Variants in TNNC2 observed in about 807,000 individuals in gnomAD.
TNNC2 encodes the protein troponin C, skeletal muscle.
TNNC2 carries 14 observed loss-of-function variants against 20.0 expected under a neutral mutation model. The ratio of observed to expected loss-of-function variants is 0.70; its 90% CI spans 0.46 to 1.09. The LOEUF is 1.09. TNNC2 is among the 50% of genes least tolerant of loss of function. TNNC2 has a pLI of 0.00. For synonymous variants in TNNC2, 81 were observed against 77.3 expected (o/e 1.05, Z -0.25); for missense variants, 163 against 223.8 (o/e 0.73, Z 1.73).
At chr20:45,825,843 C>T (rs958577598) in intron 1 of TNNC2, among the ~76,000 whole-genome samples, 1 of 152,220 alleles carries the variant, frequency 6.6e-6, no homozygotes, top group African/African-American at 2.4e-5. Flanking sequence ...TGGTCTCGAA[C>T]CCCCTACCTT....
intron 2 of TNNC2, chr20:45,833,166 G>GAA (rs768279110): frequency 0.029 from 2,796 of 95,368 alleles, 104 homozygotes; most frequent in African/African-American, 0.13. Flanking sequence ...AAGAAAGAAA[G>GAA]AGAGAGAGAG....
rs1982899716 is a variant in TNNC2 at position 45,824,355 on chromosome 20, A to G, written c.251T>C (p.Met84Thr). ...EEFLVMMVRQ[M>T]KEDAKGKSEE... The stretch of plus-strand genomic sequence containing the variant: ...GCTCTTCCCTTTCGCGTCCTCTTTC[A>G]TCTGGCGCACCATCATGACCAAGAA... The change falls in exon 4 of 6, where the codon ATG (methionine) becomes ACG (threonine). Residue 84 changes from methionine to threonine, a missense_variant. By Grantham distance (81) the Met-to-Thr change is moderately conservative (BLOSUM62 -1). Transcript: ENST00000372555. The G allele has an allele frequency of 1.2e-6, 2 of 1,610,888 alleles. No homozygotes were observed. The highest frequency in any genetic ancestry group is 8.5e-7 in the Non-Finnish European group (1 of 1,179,960).
chr20:45,824,820 A>C lies in TNNC2; in HGVS notation c.18T>G (p.Ala6=). The change falls in exon 2 of 6, where the codon GCT becomes GCG. Residue 6 remains alanine, a synonymous_variant. Transcript: ENST00000372555. ...CTTCGCTGAGGTAGGACCTGGCCTC[A>C]GCCTGCTGGTCCGTCTGCAGGAGAC... MTDQQ[A]EARSYLSEEM... is the part of the protein sequence containing the mutation. 1 of 1,613,424 alleles carries C rather than the reference A, an allele frequency of 6.2e-7. No homozygotes were observed.
At position 45,824,365 on chromosome 20, in the gene TNNC2, C is replaced by A; in HGVS notation, c.241G>T (p.Val81Leu). The A allele has an allele frequency of 6.2e-7, 1 of 1,611,106 alleles. No homozygotes were observed. The highest frequency in any genetic ancestry group is 8.5e-7 in the Non-Finnish European group (1 of 1,180,004). ...TTCGCGTCCTCTTTCATCTGGCGCA[C>A]CATCATGACCAAGAACTCCTCGAAG... ...IDFEEFLVMM[V>L]RQMKEDAKGK... Residue 81 changes from valine (V) to leucine (L), a missense_variant, in exon 4 of 6, where the codon GTG becomes TTG. Coordinates refer to ENST00000372555, the MANE Select transcript of TNNC2 (RefSeq NM_003279.3).
chr20:45,824,708 C>A lies in TNNC2; in HGVS notation c.56-70G>T, dbSNP rs1403199775. On this transcript the variant is annotated intron_variant, in intron 2 of 5. Coordinates refer to ENST00000372555, the MANE Select transcript of TNNC2 (RefSeq NM_003279.3). The stretch of plus-strand genomic sequence containing the variant: ...CAGCCTCACACCTACCCCCCCCCAA[C>A]CCCCACCCTGCCTAGAGGCCAACAT... 1,146 of 1,381,180 alleles carry A rather than the reference C, an allele frequency of 8.3e-4. 1 individual carries two copies. Among genetic ancestry groups the A allele is most frequent in the Admixed American group, 1.0e-3 (40 of 38,378 alleles). 85.6% of individuals were successfully genotyped at this position (1,381,180 alleles called of 1,614,324 possible).
rs1454071981 is a variant in TNNC2 at position 45,823,959 on chromosome 20, C to A, written c.451+32G>T. On this transcript the variant is annotated intron_variant, in intron 5 of 5. Coordinates refer to ENST00000372555, the MANE Select transcript of TNNC2 (RefSeq NM_003279.3). This position sits in a 1 kb window ranked among gnomAD's most constrained non-coding sequence, Gnocchi z 4.6. ...TGCCCGCCGTCCTCTGGGGCTCCCA[C>A]CCGCTCTTCCCAAGCTCCCGTTGGC... 1.2e-6 allele frequency: 2 copies of A among 1,613,276 alleles called. No homozygotes were observed. The highest frequency in any genetic ancestry group is 8.5e-7 in the Non-Finnish European group (1 of 1,179,482).
chr20:45,829,424 A>G (rs1036417652), upstream of TNNC2, among the ~76,000 whole-genome samples: 1 of 151,432 alleles, frequency 6.6e-6, no homozygotes, highest in Non-Finnish European at 1.5e-5. Context: ...TCAGCCTCCC[A>G]AAGCACTGGG....
At chr20:45,827,471 T>G (rs1983003322), upstream of TNNC2, 1 of 583,264 alleles carries the variant, frequency 1.7e-6, no homozygotes, top group Non-Finnish European at 3.1e-6. Context: ...CAAGGGCCCT[T>G]GCAGAGAAAT....
At chr20:45,827,134 T>A (rs1227390099) in intron 1 of TNNC2, 112 bp downstream of exon 1, 1 of 1,441,002 alleles carries the variant, frequency 6.9e-7, no homozygotes, top group Non-Finnish European at 9.7e-7. Flanking sequence ...GGAACCTCCA[T>A]GCTCCAACCT....
chr20:45,831,781 C>T (rs1397535532), upstream of TNNC2, among the ~76,000 whole-genome samples: 2 of 152,280 alleles, frequency 1.3e-5, no homozygotes, highest in African/African-American at 4.8e-5. Flanking sequence ...CCTCAGACTA[C>T]CTATCTGTAA....
At chr20:45,830,753 G>A (rs1237263940), upstream of TNNC2, among the ~76,000 whole-genome samples, 1 of 152,282 alleles carries the variant, frequency 6.6e-6, no homozygotes, top group Middle Eastern at 3.4e-3. Flanking sequence ...ACAATAATGG[G>A]AACAGGTGGC....
At position 45,823,878 on chromosome 20, in the gene TNNC2, G is replaced by C. The variant is rs1982875769; in HGVS notation, c.451+113C>G. 1 of 1,539,084 alleles carries C rather than the reference G, an allele frequency of 6.5e-7. No homozygotes were observed. Among genetic ancestry groups the C allele is most frequent in the Non-Finnish European group, 8.8e-7 (1 of 1,139,226 alleles). ...AGGAGACTATGGGGAACTTGGTGAAGTTACGCCCAGCCCAGCCCACAAGGC... is the reference window on the plus strand; with the variant it reads ...AGGAGACTATGGGGAACTTGGTGAACTTACGCCCAGCCCAGCCCACAAGGC... On this transcript the variant is annotated intron_variant, in intron 5 of 5. Coordinates refer to ENST00000372555, the MANE Select transcript of TNNC2 (RefSeq NM_003279.3). This position sits in a 1 kb window ranked among gnomAD's most constrained non-coding sequence, Gnocchi z 4.6.
upstream of TNNC2, among the ~76,000 whole-genome samples, chr20:45,830,392 A>C (rs1983081705): frequency 6.6e-6 from 1 of 151,048 alleles, no homozygotes. Flanking sequence ...ATGAACCTTC[A>C]AGCCTTTGCA....
In TNNC2 at chr20:45,823,439, G is replaced by T; in HGVS notation, c.452-60C>A. ...CACTGGGGACGCAGAGGCCAGGCCA[G>T]GGCTCCAGCCACACAGAGGGGATGA... is the stretch of plus-strand genomic sequence containing the variant. On this transcript the variant is annotated intron_variant, in intron 5 of 5. Coordinates refer to ENST00000372555, the MANE Select transcript of TNNC2 (RefSeq NM_003279.3). This position sits in a 1 kb window ranked among gnomAD's most constrained non-coding sequence, Gnocchi z 4.6. 6.6e-7 allele frequency: 1 copy of T among 1,519,440 alleles called. No individual in the cohort carries two copies. The highest frequency in any genetic ancestry group is 8.9e-7 in the Non-Finnish European group (1 of 1,117,598). The allele number at this position is 1,519,440 out of a possible 1,614,324, so 94.1% of individuals were successfully genotyped here.
At position 45,823,274 on chromosome 20, in the gene TNNC2, G is replaced by A. The variant is rs1982854569; in HGVS notation, c.*74C>T. 1.4e-6 allele frequency: 2 copies of A among 1,418,084 alleles called. No individual in the cohort carries two copies. The highest frequency in any genetic ancestry group is 2.7e-5 in the South Asian group (2 of 73,564). The allele number at this position is 1,418,084 out of a possible 1,614,324, so 87.8% of individuals were successfully genotyped here. ...GACCCACAAGGGGTCGCGCCTCCCT[G>A]GTGGGGACCCGGCAGGGCGGAGTCT... On this transcript the variant is annotated 3_prime_UTR_variant, in exon 6 of 6. Transcript: ENST00000372555. The surrounding 1 kb of genome is among the most constrained non-coding windows in gnomAD (Gnocchi z 4.6).
chr20:45,827,396 C>A (rs1422283778), upstream of TNNC2: 3 of 1,007,754 alleles, frequency 3.0e-6, no homozygotes, highest in Non-Finnish European at 4.5e-6. Context: ...AGACCCTGCC[C>A]AATCAGATCC....
chr20:45,824,284 C>T lies in TNNC2; in HGVS notation c.314+8G>A, dbSNP rs769520922. The T allele has an allele frequency of 1.2e-6, 2 of 1,609,464 alleles. No homozygotes were observed. Among genetic ancestry groups the T allele is most frequent in the South Asian group, 1.1e-5 (1 of 91,082 alleles). The stretch of plus-strand genomic sequence containing the variant: ...GCCCCTCCCTCGGCTCCCGGGCCCC[C>T]AGCGCACCTGTCGAAGATGCGGAAG... On this transcript the variant is annotated splice_region_variant and intron_variant, in intron 4 of 5. Transcript: ENST00000372555.
At chr20:45,829,861 C>T (rs1341720633), upstream of TNNC2, among the ~76,000 whole-genome samples, 1 of 151,538 alleles carries the variant, frequency 6.6e-6, no homozygotes, top group East Asian at 2.0e-4. Flanking sequence ...CCTGCCTCAG[C>T]CTCCTAAAGT....
intron 1 of TNNC2, 78 bp downstream of exon 1, chr20:45,827,168 C>T: frequency 1.3e-6 from 2 of 1,593,092 alleles, no homozygotes; most frequent in Non-Finnish European, 1.7e-6. Flanking sequence ...TACTGCCCCA[C>T]AGAGCACCCA....
Sources: allele counts gnomAD v4.1 joint callset (sites outside exome capture counted in the v4.1 genomes callset), GRCh38; gene constraint gnomAD v4.1.1; non-coding constraint Gnocchi (gnomAD v3.1); transcripts MANE v1.5; gene names NCBI Gene and HGNC (gene_info 2026-07-23, HGNC 2026-07-21).